Variants in MAD1L1 observed in about 807,000 individuals in gnomAD.
MAD1L1 encodes mitotic spindle assembly checkpoint protein MAD1.
Under a neutral mutation model 96.9 loss-of-function variants are expected in MAD1L1, and 95 were observed. The ratio of observed to expected loss-of-function variants is 0.98; its 90% CI spans 0.83 to 1.16. The LOEUF is 1.16. Ranked by LOEUF, MAD1L1 falls within the 50% of genes most tolerant of loss-of-function variation. The pLI is 0.00. For synonymous variants in MAD1L1, 473 were observed against 396.6 expected, an observed-to-expected ratio of 1.19 and a Z score of -2.29; for missense variants, 1,007 against 954.4, an observed-to-expected ratio of 1.06 and a Z score of -0.73.
intron 16 of MAD1L1, among the ~76,000 whole-genome samples, chr7:1,945,877 T>C (rs1779208152): frequency 6.6e-6 from 1 of 151,908 alleles, no homozygotes; most frequent in Non-Finnish European, 1.5e-5. Flanking sequence ...CAGGAGGTGG[T>C]CCAGGGGCAT....
At chr7:2,154,848 G>C (rs888160811) in intron 10 of MAD1L1, among the ~76,000 whole-genome samples, 1 of 152,268 alleles carries the variant, frequency 6.6e-6, no homozygotes, top group East Asian at 1.9e-4. Flanking sequence ...AAACGGGTCA[G>C]GAGGTCACCT....
In MAD1L1 at chr7:2,225,286, A is replaced by C; in HGVS notation, c.291+124T>G. The C allele has an allele frequency of 3.1e-6, 2 of 647,976 alleles. 1 individual carries two copies. The highest frequency in any genetic ancestry group is 3.7e-5 in the South Asian group (2 of 53,982). The allele number at this position is 647,976 out of a possible 1,614,324, so 40.1% of individuals were successfully genotyped here. A position where few individuals can be genotyped will look rare whatever the true frequency, so the allele number is the denominator to read the frequency against. Reference sequence around the variant, plus strand: ...TCTGATTTCTTAAGACCTGGCAGGTACCATGCACAGCCCCCTTGCTCCCAG... The same window carrying C: ...TCTGATTTCTTAAGACCTGGCAGGTCCCATGCACAGCCCCCTTGCTCCCAG... On this transcript the variant is annotated intron_variant, in intron 4 of 18. Transcript: ENST00000265854.
intron 10 of MAD1L1, among the ~76,000 whole-genome samples, chr7:2,198,588 AGTGCTTCCTGGGG>A (rs1364579465): frequency 6.6e-6 from 1 of 152,174 alleles, no homozygotes; most frequent in African/African-American, 2.4e-5. Flanking sequence ...AACAGAGGCG[AGTGCTTCCTGGGG>A]GTCAAGAGCA....
chr7:2,220,776 A>G (rs889055994), intron 5 of MAD1L1: 1 of 1,166,996 alleles, frequency 8.6e-7, no homozygotes, highest in African/African-American at 1.6e-5. Context: ...TTACTTCACC[A>G]CAACAGTGAA....
intron 17 of MAD1L1, among the ~76,000 whole-genome samples, chr7:1,921,167 C>T (rs754511150): frequency 1.8e-4 from 27 of 152,184 alleles, no homozygotes; most frequent in Admixed American, 4.6e-4. Flanking sequence ...GACGTGGTAT[C>T]GGTGAGGGAG....
intron 18 of MAD1L1, among the ~76,000 whole-genome samples, chr7:1,830,816 C>G (rs1782665749): frequency 6.6e-6 from 1 of 151,852 alleles, no homozygotes; most frequent in Admixed American, 6.6e-5. Context: ...CCAAGAAAGG[C>G]AGAAAAAGAG....
intron 10 of MAD1L1, among the ~76,000 whole-genome samples, chr7:2,173,520 T>C (rs936114323): frequency 6.6e-6 from 1 of 152,234 alleles, no homozygotes; most frequent in African/African-American, 2.4e-5. Context: ...TATCGCTCAT[T>C]CCACCCTGGC....
At chr7:1,841,635 C>T (rs1783263870) in intron 18 of MAD1L1, among the ~76,000 whole-genome samples, 1 of 152,216 alleles carries the variant, frequency 6.6e-6, no homozygotes, top group African/African-American at 2.4e-5. Context: ...TGGACGAGCC[C>T]ACAGTGGCTG....
At chr7:1,905,702 C>G (rs1477467594) in intron 17 of MAD1L1, among the ~76,000 whole-genome samples, 1 of 152,224 alleles carries the variant, frequency 6.6e-6, no homozygotes, top group Admixed American at 6.5e-5. Flanking sequence ...CCTCTGGGAC[C>G]TCTCCCGTGA....
intron 16 of MAD1L1, among the ~76,000 whole-genome samples, chr7:1,939,341 G>T (rs1435304561): frequency 6.6e-6 from 1 of 150,490 alleles, no homozygotes; most frequent in African/African-American, 2.4e-5. Context: ...ACACACACAG[G>T]CCAGGGCTGG....
rs1391795863 is a variant in MAD1L1 at position 1,938,805 on chromosome 7, G to GCA, written c.1597-1910_1597-1909dup. Among the ~76,000 whole-genome samples the GCA allele has an allele frequency of 1.2e-4, 14 of 113,800 alleles. No homozygotes were observed. In the South Asian group the frequency reaches 3.0e-3, roughly 24 times the overall value. 74.7% of individuals were successfully genotyped at this position (113,800 alleles called of 152,430 possible). ...AGAGACCAGGACTGGGACCAGAGGC[G>GCA]CACACACACACACGGGCCAGGGCCG... On this transcript the variant is annotated intron_variant, in intron 16 of 18. Coordinates refer to ENST00000265854, the MANE Select transcript of MAD1L1 (RefSeq NM_001013836.2).
intron 18 of MAD1L1, among the ~76,000 whole-genome samples, chr7:1,888,758 CATGT>C (rs991830247): frequency 6.0e-5 from 9 of 149,290 alleles, no homozygotes; most frequent in East Asian, 3.9e-4. Flanking sequence ...TGTGAGCATG[CATGT>C]GTGTGTGTGG....
In MAD1L1 at chr7:1,974,496, ATACATAAAAGAATCCTCAGAG is replaced by A. The variant is rs1327987442; in HGVS notation, c.1505+5936_1505+5956del. ...CTCATGAACACTGACAGGATGCTTTATACATAAAAGAATCCTCAGAGAACAGAAACAGACTCTCAGGAAACG... is the reference window on the plus strand; with the variant it reads ...CTCATGAACACTGACAGGATGCTTTAAACAGAAACAGACTCTCAGGAAACG... On this transcript the variant is annotated intron_variant, in intron 15 of 18. Coordinates refer to ENST00000265854, the MANE Select transcript of MAD1L1 (RefSeq NM_001013836.2). 4.6e-5 allele frequency among the ~76,000 whole-genome samples: 7 copies of A among 152,262 alleles called. No individual in the cohort carries two copies. In the East Asian group the frequency reaches 1.3e-3, roughly 29 times the overall value.
intron 14 of MAD1L1, among the ~76,000 whole-genome samples, chr7:1,988,580 C>T (rs1001406302): frequency 3.3e-5 from 5 of 152,204 alleles, no homozygotes; most frequent in South Asian, 2.1e-4. Flanking sequence ...GCCTGTGTCA[C>T]GGTGGCTGTG....
chr7:2,025,738 A>C (rs1782968375), intron 12 of MAD1L1, among the ~76,000 whole-genome samples: 1 of 152,234 alleles, frequency 6.6e-6, no homozygotes, highest in Non-Finnish European at 1.5e-5. Flanking sequence ...GCAAAATGTA[A>C]ACAGAAGAAA....
intron 17 of MAD1L1, among the ~76,000 whole-genome samples, chr7:1,936,213 T>A (rs4719364): frequency 6.6e-6 from 1 of 152,070 alleles, no homozygotes; most frequent in Non-Finnish European, 1.5e-5. Flanking sequence ...GTGGGCCTCA[T>A]GTAGACCTGG....
chr7:2,223,970 T>G (rs1793747855), intron 4 of MAD1L1, among the ~76,000 whole-genome samples: 1 of 152,176 alleles, frequency 6.6e-6, no homozygotes, highest in Non-Finnish European at 1.5e-5. Flanking sequence ...AGAAGGTGGC[T>G]GGAGCTCAGC....
chr7:1,952,798 G>A (rs912472924), intron 16 of MAD1L1, among the ~76,000 whole-genome samples: 4 of 152,244 alleles, frequency 2.6e-5, no homozygotes, highest in African/African-American at 9.6e-5. Context: ...GCCACACTCT[G>A]TCCAACATGG....
intron 12 of MAD1L1, among the ~76,000 whole-genome samples, chr7:2,066,236 G>A (rs577951964): frequency 3.3e-5 from 5 of 152,330 alleles, no homozygotes; most frequent in East Asian, 3.9e-4. Flanking sequence ...TCCTGGGTGC[G>A]CCTTGAGAGA....
Sources: gnomAD v4.1 joint callset for allele counts (sites outside exome capture counted in the v4.1 genomes callset) on GRCh38, gnomAD v4.1.1 for gene constraint, MANE v1.5 for transcripts, NCBI Gene and HGNC (gene_info 2026-07-23, HGNC 2026-07-21) for gene names.